Variants in DLC1 observed in about 807,000 individuals in gnomAD.
DLC1 encodes the protein DLC1 Rho GTPase activating protein.
Under a neutral mutation model 140.3 loss-of-function variants are expected in DLC1, and 54 were observed. That is an observed-to-expected ratio of 0.38 (90% CI 0.31 to 0.48). The LOEUF (loss-of-function observed/expected upper bound fraction) is 0.48. Among genes scored for constraint, DLC1 ranks in the 20% least tolerant of loss-of-function variants. The probability of loss-of-function intolerance (pLI) is 0.96; values close to 1 mark genes in which losing one functional copy is unlikely to be tolerated. For synonymous variants in DLC1, 986 were observed against 728.1 expected (o/e 1.35, Z -5.70); for missense variants, 2,536 against 1,907.0 (o/e 1.33, Z -6.14).
intron 5 of DLC1, among the ~76,000 whole-genome samples, chr8:13,184,917 T>G (rs182672321): frequency 6.6e-6 from 1 of 152,266 alleles, no homozygotes; most frequent in East Asian, 1.9e-4. Flanking sequence ...CTCTCATTGT[T>G]TTTGTGTGAG....
At chr8:13,339,575 C>T (rs1158407353) in intron 4 of DLC1, 1 of 152,086 alleles carries the variant, frequency 6.6e-6, no homozygotes, top group Non-Finnish European at 1.5e-5. Flanking sequence ...GCAGAGATGC[C>T]CTGTCATTAT....
chr8:13,190,545 A>G (rs1462139281), intron 5 of DLC1, among the ~76,000 whole-genome samples: 1 of 152,218 alleles, frequency 6.6e-6, no homozygotes, highest in Admixed American at 6.5e-5. Flanking sequence ...TTATACTGAC[A>G]GGTCAAGTGT....
intron 1 of DLC1, among the ~76,000 whole-genome samples, chr8:13,540,761 G>C (rs569827655): frequency 1.3e-3 from 193 of 152,294 alleles, no homozygotes; most frequent in African/African-American, 4.5e-3. Flanking sequence ...CCTTCGACAT[G>C]GCAATCACTC....
chr8:13,490,374 T>G (rs2117160219), intron 2 of DLC1, among the ~76,000 whole-genome samples: 1 of 152,338 alleles, frequency 6.6e-6, no homozygotes, highest in South Asian at 2.1e-4. Flanking sequence ...TGAGGTTATC[T>G]TTAAAATAGC....
rs188574826 is a variant in DLC1 at position 13,440,738 on chromosome 8, T to C, written c.1024-39119A>G. Among the ~76,000 whole-genome samples, 65 of 152,246 alleles carry C rather than the reference T, an allele frequency of 4.3e-4. No homozygotes were observed. In the East Asian group the frequency reaches 0.012, roughly 29 times the overall value. Reference sequence around the variant, plus strand: ...GCGGACAGTCTTTCCCCTGCTATTCTTGTGAAAGTGAATAAGTCTCACGAG... The same window carrying C: ...GCGGACAGTCTTTCCCCTGCTATTCCTGTGAAAGTGAATAAGTCTCACGAG... On this transcript the variant is annotated intron_variant, in intron 2 of 17. Coordinates refer to ENST00000276297, the MANE Select transcript of DLC1 (RefSeq NM_182643.3).
At chr8:13,580,399 G>T (rs1452058473) in intron 1 of DLC1, among the ~76,000 whole-genome samples, 15 of 152,198 alleles carry the variant, frequency 9.9e-5, no homozygotes, top group Non-Finnish European at 1.5e-5. Context: ...GGGATTACAG[G>T]CGTGAGCCAC....
At chr8:13,258,562 A>T (rs1174704695) in intron 5 of DLC1, among the ~76,000 whole-genome samples, 1 of 152,174 alleles carries the variant, frequency 6.6e-6, no homozygotes, top group African/African-American at 2.4e-5. Flanking sequence ...TTAAGTTCTT[A>T]CTGGTCATGT....
intron 1 of DLC1, among the ~76,000 whole-genome samples, chr8:13,524,177 G>T (rs1215701832): frequency 6.7e-6 from 1 of 149,650 alleles, no homozygotes; most frequent in Non-Finnish European, 1.5e-5. Flanking sequence ...TCACTCTGTT[G>T]CCCAGGCTGG....
intron 4 of DLC1, among the ~76,000 whole-genome samples, chr8:13,321,518 C>T (rs1396947411): frequency 7.9e-6 from 1 of 126,696 alleles, no homozygotes. Context: ...AGCCTAGCGA[C>T]AGAGAGAGAC....
Position 13,085,878 on chromosome 8 carries a change from T to G in DLC1, c.4520A>C (p.Glu1507Ala), listed in dbSNP as rs1282207592. 5 of 1,614,056 alleles carry G rather than the reference T, an allele frequency of 3.1e-6. No homozygotes were observed. The highest frequency in any genetic ancestry group is 1.7e-5 in the Admixed American group (1 of 60,004). Residue 1507 changes from glutamate to alanine, a missense_variant, in exon 18 of 18, where the codon GAA becomes GCA. Coordinates refer to ENST00000276297, the MANE Select transcript of DLC1 (RefSeq NM_182643.3). ...TKSFGHLCAA[E>A]VVKIRDSFSN... Reference sequence around the variant, plus strand: ...GAAGGAATCCCGGATCTTTACAACTTCAGCTGCACACAAATGTCCAAAAGA... The same window carrying G: ...GAAGGAATCCCGGATCTTTACAACTGCAGCTGCACACAAATGTCCAAAAGA...
chr8:13,284,945 A>T (rs1365535697), intron 5 of DLC1, among the ~76,000 whole-genome samples: 1 of 152,202 alleles, frequency 6.6e-6, no homozygotes, highest in African/African-American at 2.4e-5. Flanking sequence ...TAGGTTGTTA[A>T]TTCTTCCAAA....
At chr8:13,299,828 T>C (rs373783007) in intron 5 of DLC1, among the ~76,000 whole-genome samples, 30 of 152,244 alleles carry the variant, frequency 2.0e-4, no homozygotes, top group African/African-American at 6.7e-4. Flanking sequence ...GCAGCCTAAG[T>C]AAGAGAAGTC....
chr8:13,386,096 G>C (rs902414022), intron 4 of DLC1, among the ~76,000 whole-genome samples: 2 of 152,096 alleles, frequency 1.3e-5, no homozygotes, highest in African/African-American at 4.8e-5. Context: ...GAAAATATGA[G>C]TTGAATTCAA....
At chr8:13,226,244 G>A (rs2567125) in intron 5 of DLC1, among the ~76,000 whole-genome samples, 2 of 151,898 alleles carry the variant, frequency 1.3e-5, no homozygotes, top group Non-Finnish European at 2.9e-5. Flanking sequence ...AATACTCTTT[G>A]GTTAATATAA....
At chr8:13,455,159 T>C (rs1799327141) in intron 2 of DLC1, among the ~76,000 whole-genome samples, 1 of 152,168 alleles carries the variant, frequency 6.6e-6, no homozygotes. Flanking sequence ...TTTTTATTTA[T>C]TAAAGCAAAT....
chr8:13,363,527 T>A (rs1614469), intron 4 of DLC1, among the ~76,000 whole-genome samples: 68,261 of 151,806 alleles, frequency 0.45, 16,229 homozygotes, highest in East Asian at 0.77. Context: ...TTTCCAAAAG[T>A]TATTGTTCTG....
chr8:13,306,347 A>G (rs1832426711), intron 4 of DLC1, among the ~76,000 whole-genome samples: 1 of 152,184 alleles, frequency 6.6e-6, no homozygotes, highest in Non-Finnish European at 1.5e-5. Context: ...AAGCAAGTTG[A>G]CTTTCTGGTT....
intron 2 of DLC1, among the ~76,000 whole-genome samples, chr8:13,435,084 G>GAATTCACT (rs900029721): frequency 6.6e-6 from 1 of 152,160 alleles, no homozygotes; most frequent in Non-Finnish European, 1.5e-5. Flanking sequence ...CTTCTGGAAA[G>GAATTCACT]AATTCACTAT....
intron 1 of DLC1, among the ~76,000 whole-genome samples, chr8:13,539,264 A>G (rs972740733): frequency 4.6e-5 from 7 of 152,042 alleles, no homozygotes; most frequent in Non-Finnish European, 7.4e-5. Context: ...CAGTGGCGCA[A>G]TCTCAGCTCA....
Sources: gnomAD v4.1 joint callset for allele counts (sites outside exome capture counted in the v4.1 genomes callset) on GRCh38, gnomAD v4.1.1 for gene constraint, MANE v1.5 for transcripts, NCBI Gene and HGNC (gene_info 2026-07-23, HGNC 2026-07-21) for gene names.